The following MRPL42 variants were observed in gnomAD, a reference collection of about 807,000 sequenced individuals.
MRPL42 encodes large ribosomal subunit protein mL42.
MRPL42 carries 17 observed loss-of-function variants against 17.9 expected under a neutral mutation model. The observed-to-expected ratio is 0.95, with a 90% CI of 0.65 to 1.42. MRPL42 has a LOEUF of 1.42. MRPL42 is among the 40% of genes most tolerant of loss of function. The probability of loss-of-function intolerance (pLI) is 0.00; values close to 1 mark genes in which losing one functional copy is unlikely to be tolerated. For missense variants in MRPL42, 177 were observed against 175.2 expected, an observed-to-expected ratio of 1.01 and a Z score of -0.06; for synonymous variants, 59 against 54.4, an observed-to-expected ratio of 1.08 and a Z score of -0.37.
At chr12:93,480,549 T>C (rs1880409180) in intron 4 of MRPL42, among the ~76,000 whole-genome samples, 1 of 150,932 alleles carries the variant, frequency 6.6e-6, no homozygotes. Context: ...TTCTTTTCTT[T>C]TTTTTTTTTT....
chr12:93,503,026 C>T lies in MRPL42; in HGVS notation c.*1805C>T, dbSNP rs534581469. 2.6e-5 allele frequency: 4 copies of T among 152,356 alleles called. No homozygotes were observed. The highest frequency in any genetic ancestry group is 7.2e-5 in the African/African-American group (3 of 41,578). 9.4% of individuals were successfully genotyped at this position (152,356 alleles called of 1,614,324 possible). On this transcript the variant is annotated 3_prime_UTR_variant, in exon 6 of 6. Coordinates refer to ENST00000549982, the MANE Select transcript of MRPL42 (RefSeq NM_014050.4). ...CATCACCTGCCCTCTGTTCCTCCCC[C>T]GTCCCCCAGGGATAAGAACCTGTTA...
Position 93,516,094 on chromosome 12 carries a change from TC to T in MRPL42, c.*14876del, listed in dbSNP as rs1456333628. On this transcript the variant is annotated 3_prime_UTR_variant, in exon 6 of 6. Coordinates refer to ENST00000549982, the MANE Select transcript of MRPL42 (RefSeq NM_014050.4). The stretch of plus-strand genomic sequence containing the variant: ...AGCAAACCCGTTTCCTTAGACCCTC[TC>T]CCAATCCCAAATTCTATACTAGGTT... 6.6e-6 allele frequency: 1 copy of T among 152,184 alleles called. No homozygotes were observed. 9.4% of individuals were successfully genotyped at this position (152,184 alleles called of 1,614,324 possible).
At chr12:93,487,407 T>C in intron 4 of MRPL42, 90 bp from the exon 5 acceptor site, 1 of 1,215,642 alleles carries the variant, frequency 8.2e-7, no homozygotes, top group East Asian at 2.4e-5. Flanking sequence ...AGTGAATTAC[T>C]GAATATGGTA....
intron 5 of MRPL42, among the ~76,000 whole-genome samples, chr12:93,491,080 G>A (rs537119728): frequency 6.6e-6 from 1 of 151,860 alleles, no homozygotes; most frequent in Non-Finnish European, 1.5e-5. Flanking sequence ...TAGTAGAGAC[G>A]GGGTTTCACC....
chr12:93,472,981 A>G (rs1879980604), intron 2 of MRPL42, among the ~76,000 whole-genome samples: 1 of 152,214 alleles, frequency 6.6e-6, no homozygotes. Flanking sequence ...TTTGTCCTGT[A>G]TACTTTCTAC....
At chr12:93,478,954 T>C (rs1176533405) in intron 3 of MRPL42, among the ~76,000 whole-genome samples, 1 of 147,596 alleles carries the variant, frequency 6.8e-6, no homozygotes, top group African/African-American at 2.5e-5. Context: ...TTTTTTGAGA[T>C]GGAGTCTCAT....
intron 3 of MRPL42, among the ~76,000 whole-genome samples, chr12:93,477,734 C>G (rs1186676994): frequency 6.6e-6 from 1 of 152,110 alleles, no homozygotes; most frequent in Non-Finnish European, 1.5e-5. Context: ...GTGATCTTGG[C>G]TCACTGCAAC....
chr12:93,508,455 T>G lies in MRPL42; in HGVS notation c.*7234T>G, dbSNP rs1264447488. ...CAAAACAAACAAAAAAGTGCAAGATTGGAAGCTTCGAGGCTTCTTGAGGCC... is the reference window on the plus strand; with the variant it reads ...CAAAACAAACAAAAAAGTGCAAGATGGGAAGCTTCGAGGCTTCTTGAGGCC... On this transcript the variant is annotated 3_prime_UTR_variant, in exon 6 of 6. Transcript: ENST00000549982. 1 of 152,312 alleles carries G rather than the reference T, an allele frequency of 6.6e-6. No homozygotes were observed. The highest frequency in any genetic ancestry group is 1.5e-5 in the Non-Finnish European group (1 of 68,150). 9.4% of individuals were successfully genotyped at this position (152,312 alleles called of 1,614,324 possible).
Position 93,513,574 on chromosome 12 carries a change from CTT to C in MRPL42, c.*12354_*12355del, listed in dbSNP as rs1421532065. The C allele has an allele frequency of 3.3e-5, 5 of 152,196 alleles. No homozygotes were observed. The highest frequency in any genetic ancestry group is 2.0e-4 in the Admixed American group (3 of 15,280). 9.4% of individuals were successfully genotyped at this position (152,196 alleles called of 1,614,324 possible). A position where few individuals can be genotyped will look rare whatever the true frequency, so the allele number is the denominator to read the frequency against. On this transcript the variant is annotated 3_prime_UTR_variant, in exon 6 of 6. Coordinates refer to ENST00000549982, the MANE Select transcript of MRPL42 (RefSeq NM_014050.4). ...ACAGAATCACTACTTCAATTATAAT[CTT>C]CAGTTATAATTGAAGAATGACAAAA...
intron 5 of MRPL42, among the ~76,000 whole-genome samples, chr12:93,491,858 A>T (rs1953421878): frequency 6.6e-6 from 1 of 152,180 alleles, no homozygotes; most frequent in Non-Finnish European, 1.5e-5. Context: ...TACACGTGAG[A>T]ACGTGTGGTA....
At chr12:93,490,898 T>A (rs1684813259) in intron 5 of MRPL42, among the ~76,000 whole-genome samples, 1 of 152,226 alleles carries the variant, frequency 6.6e-6, no homozygotes, top group Admixed American at 6.5e-5. Context: ...ATTTTTATTT[T>A]TTATTTTTCT....
At chr12:93,480,309 C>T (rs1239219932) in intron 4 of MRPL42, among the ~76,000 whole-genome samples, 6 of 151,474 alleles carry the variant, frequency 4.0e-5, no homozygotes, top group African/African-American at 7.3e-5. Flanking sequence ...TTAGTAGAGA[C>T]GGTGTTTCAC....
In MRPL42 at chr12:93,510,282, C is replaced by CT. The variant is rs1464855857; in HGVS notation, c.*9066dup. Reference sequence around the variant, plus strand: ...CTTTTCACAGTTTGATAGCTCATTTCTTTTTAGCATCGAGTAATACTCCAT... The same window carrying CT: ...CTTTTCACAGTTTGATAGCTCATTTCTTTTTTAGCATCGAGTAATACTCCAT... On this transcript the variant is annotated 3_prime_UTR_variant, in exon 6 of 6. Transcript: ENST00000549982. 6.6e-6 allele frequency: 1 copy of CT among 152,104 alleles called. No homozygotes were observed. The highest frequency in any genetic ancestry group is 2.4e-5 in the African/African-American group (1 of 41,418). 9.4% of individuals were successfully genotyped at this position (152,104 alleles called of 1,614,324 possible). A position where few individuals can be genotyped will look rare whatever the true frequency, so the allele number is the denominator to read the frequency against.
chr12:93,471,456 G>A (rs34052151), intron 2 of MRPL42, among the ~76,000 whole-genome samples: 25,415 of 151,900 alleles, frequency 0.17, 2,824 homozygotes, highest in African/African-American at 0.31. Flanking sequence ...GAGCCATTGC[G>A]CCTGGCCTAA....
chr12:93,482,488 T>A (rs895905435), intron 4 of MRPL42, among the ~76,000 whole-genome samples: 1 of 152,178 alleles, frequency 6.6e-6, no homozygotes, highest in South Asian at 2.1e-4. Context: ...GCACAATAAA[T>A]ATTTTTCTAT....
chr12:93,479,672 G>A, intron 4 of MRPL42, among the ~76,000 whole-genome samples, 200 bp downstream of exon 4: 1 of 151,622 alleles, frequency 6.6e-6, no homozygotes, highest in South Asian at 2.1e-4. Context: ...AATACAAAAT[G>A]AACCATTTAA....
Position 93,505,604 on chromosome 12 carries a change from C to T in MRPL42, c.*4383C>T, listed in dbSNP as rs1381281129. The T allele has an allele frequency of 6.6e-6, 1 of 152,146 alleles. No homozygotes were observed. The highest frequency in any genetic ancestry group is 1.5e-5 in the Non-Finnish European group (1 of 68,032). The allele number at this position is 152,146 out of a possible 1,614,324, so 9.4% of individuals were successfully genotyped here. On this transcript the variant is annotated 3_prime_UTR_variant, in exon 6 of 6. Transcript: ENST00000549982. ...CCCAATTGAGCTCAGCCATCAGCCTCCTACTATTTTTTAATGTGCTGTTTA... is the reference window on the plus strand; with the variant it reads ...CCCAATTGAGCTCAGCCATCAGCCTTCTACTATTTTTTAATGTGCTGTTTA...
chr12:93,477,748 C>G (rs548436746), intron 3 of MRPL42, among the ~76,000 whole-genome samples: 20 of 151,758 alleles, frequency 1.3e-4, no homozygotes, highest in African/African-American at 4.8e-4. Context: ...CTGCAACCTC[C>G]ACCTCCTGTG....
chr12:93,470,068 G>A (rs565560426), intron 2 of MRPL42, among the ~76,000 whole-genome samples: 11 of 151,568 alleles, frequency 7.3e-5, no homozygotes, highest in South Asian at 6.3e-4. Flanking sequence ...TAAAATGTGC[G>A]AATAAAGGGT....
Sources: allele counts gnomAD v4.1 joint callset (sites outside exome capture counted in the v4.1 genomes callset), GRCh38; gene constraint gnomAD v4.1.1; transcripts MANE v1.5; gene names NCBI Gene and HGNC (gene_info 2026-07-23, HGNC 2026-07-21).